The following RCC1 variants were observed in gnomAD, a reference collection of about 807,000 sequenced individuals.
The protein encoded by RCC1 is regulator of chromosome condensation 1, also known as regulator of chromosome condensation.
In RCC1, 11 loss-of-function variants were observed where a neutral mutation model predicts 44.4. The observed-to-expected ratio is 0.25, with a 90% CI of 0.16 to 0.41. RCC1 has a LOEUF of 0.41. Among genes scored for constraint, RCC1 ranks in the 10% least tolerant of loss-of-function variants. RCC1 has a pLI of 1.00. For missense variants in RCC1, 386 were observed against 547.1 expected (o/e 0.71, Z 2.94); for synonymous variants, 213 against 216.5 (o/e 0.98, Z 0.14).
chr1:28,506,316 C>T (rs557662811), intron 1 of RCC1: 461 of 422,412 alleles, frequency 1.1e-3, no homozygotes, highest in Middle Eastern at 3.0e-3. Context: ...TCTCCAGCAG[C>T]TGGGATTACA....
intron 3 of RCC1, chr1:28,510,046 C>G (rs1483606190): frequency 2.0e-5 from 3 of 152,210 alleles, no homozygotes; most frequent in African/African-American, 7.2e-5. Flanking sequence ...CCTGCACTGG[C>G]TGCCAACATA....
intron 7 of RCC1, among the ~76,000 whole-genome samples, chr1:28,533,806 A>G (rs1365280206): frequency 7.2e-6 from 1 of 138,250 alleles, no homozygotes; most frequent in Non-Finnish European, 1.6e-5. Flanking sequence ...GGAAGTAATC[A>G]GAATATCAGA....
chr1:28,507,327 C>G (rs188916501), intron 1 of RCC1: 3 of 512,798 alleles, frequency 5.9e-6, no homozygotes, highest in African/African-American at 1.9e-5. Context: ...GAAATTGTTT[C>G]CTATTGGATT....
chr1:28,518,075 T>G (rs1195648236), intron 4 of RCC1: 2 of 147,838 alleles, frequency 1.4e-5, no homozygotes, highest in Non-Finnish European at 3.1e-5. Context: ...ACACGCCCAC[T>G]GGAACCGGGC....
At chr1:28,513,484 C>T (rs1408157682) in intron 3 of RCC1, among the ~76,000 whole-genome samples, 1 of 152,126 alleles carries the variant, frequency 6.6e-6, no homozygotes, top group Non-Finnish European at 1.5e-5. Flanking sequence ...CATGAGCCAC[C>T]GTGCCTGGCC....
chr1:28,536,529 C>T lies in RCC1; in HGVS notation c.937+148C>T, dbSNP rs1284502668. ...GTCCATGAGAGTCACTCTCATCCTC[C>T]TAGAGTCCTGGTGTTCTTCCAAGTG... On this transcript the variant is annotated intron_variant, in intron 11 of 12. Coordinates refer to ENST00000683442, the MANE Select transcript of RCC1 (RefSeq NM_001381865.2). This position sits in a 1 kb window ranked among gnomAD's most constrained non-coding sequence, Gnocchi z 4.9. The T allele has an allele frequency of 5.0e-6, 6 of 1,189,484 alleles. No homozygotes were observed. Among genetic ancestry groups the T allele is most frequent in the Non-Finnish European group, 7.1e-6 (6 of 848,048 alleles). The allele number at this position is 1,189,484 out of a possible 1,614,324, so 73.7% of individuals were successfully genotyped here.
chr1:28,531,889 G>A lies in RCC1; in HGVS notation c.160G>A (p.Val54Met). 6.2e-7 allele frequency: 1 copy of A among 1,609,024 alleles called. No individual in the cohort carries two copies. Among genetic ancestry groups the A allele is most frequent in the Non-Finnish European group, 8.5e-7 (1 of 1,177,476 alleles). Residue 54 changes from valine (V) to methionine (M), a missense_variant, in exon 6 of 13, where the codon GTG becomes ATG. Coordinates refer to ENST00000683442, the MANE Select transcript of RCC1 (RefSeq NM_001381865.2). ...GGGCCAGCTGGGGCTGGGTGAGAATGTGATGGAGAGGAAGAAGCCGGCCCT... is the reference window on the plus strand; with the variant it reads ...GGGCCAGCTGGGGCTGGGTGAGAATATGATGGAGAGGAAGAAGCCGGCCCT... ...DVGQLGLGEN[V>M]MERKKPALVS...
chr1:28,537,001 G>A (rs1233307175), intron 12 of RCC1, 102 bp downstream of exon 12: 3 of 1,311,222 alleles, frequency 2.3e-6, no homozygotes, highest in Non-Finnish European at 3.2e-6. Flanking sequence ...GGGAGCCGAG[G>A]TACAGAGAGC....
intron 4 of RCC1, among the ~76,000 whole-genome samples, chr1:28,527,422 G>A (rs1212575254): frequency 6.6e-6 from 1 of 152,020 alleles, no homozygotes; most frequent in Admixed American, 6.6e-5. Flanking sequence ...GTAATTTTTT[G>A]GATAGAAATG....
At chr1:28,519,462 A>C (rs923613241) in intron 4 of RCC1, among the ~76,000 whole-genome samples, 1 of 152,144 alleles carries the variant, frequency 6.6e-6, no homozygotes, top group Non-Finnish European at 1.5e-5. Context: ...TGTTCTGTTC[A>C]TCGTTACAAC....
chr1:28,528,804 T>TC (rs1162705290), intron 4 of RCC1, among the ~76,000 whole-genome samples: 3 of 118,898 alleles, frequency 2.5e-5, no homozygotes, highest in African/African-American at 1.5e-4. Context: ...GCATTTTTTT[T>TC]CCAAAAAAAA....
At chr1:28,521,147 A>T (rs952004500) in intron 4 of RCC1, among the ~76,000 whole-genome samples, 3 of 151,930 alleles carry the variant, frequency 2.0e-5, no homozygotes, top group Non-Finnish European at 4.4e-5. Flanking sequence ...TGTATACAAG[A>T]CCCATTTGTG....
chr1:28,511,278 G>A (rs1662519065), intron 3 of RCC1, among the ~76,000 whole-genome samples: 1 of 152,156 alleles, frequency 6.6e-6, no homozygotes, highest in Non-Finnish European at 1.5e-5. Context: ...GGACAAAGGA[G>A]TTGGTATTTG....
chr1:28,515,592 CTG>C (rs1162020579), intron 3 of RCC1, among the ~76,000 whole-genome samples: 1 of 151,020 alleles, frequency 6.6e-6, no homozygotes, highest in Non-Finnish European at 1.5e-5. Flanking sequence ...TGGTGCGTGT[CTG>C]TAATCCCAGC....
intron 4 of RCC1, chr1:28,527,180 C>T: frequency 1.7e-6 from 2 of 1,206,882 alleles, no homozygotes; most frequent in South Asian, 1.3e-5. Flanking sequence ...ATGGCACTCA[C>T]ATGCCGGGCA....
intron 4 of RCC1, among the ~76,000 whole-genome samples, 186 bp downstream of exon 4, chr1:28,517,053 AGAGGTTGCAGTGAGCC>A (rs1396855232): frequency 6.0e-5 from 9 of 150,734 alleles, no homozygotes; most frequent in Non-Finnish European, 1.3e-4. Context: ...CCTGGGAGGC[AGAGGTTGCAGTGAGCC>A]GAGATCTCAC....
chr1:28,507,600 C>CTTTTT (rs34452349), intron 1 of RCC1: 2 of 348,076 alleles, frequency 5.7e-6, no homozygotes, highest in East Asian at 7.3e-5. Context: ...GGATTGAAGT[C>CTTTTT]TTTTTTTTTT....
chr1:28,530,873 T>C (rs1664110532), intron 5 of RCC1, among the ~76,000 whole-genome samples: 1 of 152,174 alleles, frequency 6.6e-6, no homozygotes, highest in South Asian at 2.1e-4. Flanking sequence ...GAGCTGAACT[T>C]ATTCACTGGC....
At chr1:28,511,077 A>T (rs78902291) in intron 3 of RCC1, among the ~76,000 whole-genome samples, 2,153 of 152,212 alleles carry the variant, frequency 0.014, 143 homozygotes, top group Admixed American at 0.12. Context: ...GACTTTCCAA[A>T]CAGGCACTTC....
Sources: gnomAD v4.1 joint callset for allele counts (sites outside exome capture counted in the v4.1 genomes callset) on GRCh38, gnomAD v4.1.1 for gene constraint, Gnocchi (gnomAD v3.1) non-coding constraint, MANE v1.5 for transcripts, NCBI Gene and HGNC (gene_info 2026-07-23, HGNC 2026-07-21) for gene names.